VSNL1: variants seen among roughly 807,000 people sequenced by gnomAD.
VSNL1 encodes the protein visinin-like protein 1.
VSNL1 carries 6 observed loss-of-function variants against 20.4 expected under a neutral mutation model. The ratio of observed to expected loss-of-function variants is 0.29; its 90% CI spans 0.16 to 0.58. VSNL1 has a LOEUF of 0.58. Ranked by LOEUF, VSNL1 falls within the 20% of genes least tolerant of loss-of-function variation. The probability of loss-of-function intolerance (pLI) is 0.90; values close to 1 mark genes in which losing one functional copy is unlikely to be tolerated. For synonymous variants in VSNL1, 93 were observed against 86.4 expected, an observed-to-expected ratio of 1.08 and a Z score of -0.42; for missense variants, 100 against 234.5, an observed-to-expected ratio of 0.43 and a Z score of 3.75.
At chr2:17,628,014 T>C (rs969900806) in intron 2 of VSNL1, among the ~76,000 whole-genome samples, 1 of 152,246 alleles carries the variant, frequency 6.6e-6, no homozygotes, top group African/African-American at 2.4e-5. Context: ...TTCACTGTTA[T>C]AATTTTCTCA....
At chr2:17,584,345 C>G (rs918580214) in intron 1 of VSNL1, among the ~76,000 whole-genome samples, 3 of 152,046 alleles carry the variant, frequency 2.0e-5, no homozygotes, top group Admixed American at 1.3e-4. Flanking sequence ...AGTCATGTTT[C>G]CCAGGCACTC....
chr2:17,637,068 C>T (rs1665767445), intron 2 of VSNL1, among the ~76,000 whole-genome samples: 1 of 152,222 alleles, frequency 6.6e-6, no homozygotes, highest in Non-Finnish European at 1.5e-5. Context: ...TGCCTCCACC[C>T]TCTAGAGCTG....
intron 2 of VSNL1, among the ~76,000 whole-genome samples, chr2:17,603,089 A>T (rs911075258): frequency 1.3e-5 from 2 of 152,240 alleles, no homozygotes; most frequent in Non-Finnish European, 2.9e-5. Context: ...ATTTCAAGAC[A>T]CCTTGAAATT....
chr2:17,605,965 C>T (rs1374721411), intron 2 of VSNL1, among the ~76,000 whole-genome samples: 1 of 152,212 alleles, frequency 6.6e-6, no homozygotes, highest in African/African-American at 2.4e-5. Flanking sequence ...GGCATTGTTC[C>T]AAGCACTCTG....
At chr2:17,592,969 TATGTAATGTTACACA>T in intron 2 of VSNL1, among the ~76,000 whole-genome samples, 1 of 152,282 alleles carries the variant, frequency 6.6e-6, no homozygotes, top group South Asian at 2.1e-4. Flanking sequence ...CGTGTATACT[TATGTAATGTTACACA>T]AGTGAAAGAA....
intron 1 of VSNL1, among the ~76,000 whole-genome samples, chr2:17,580,923 A>G (rs1287112632): frequency 6.6e-6 from 1 of 152,198 alleles, no homozygotes; most frequent in Non-Finnish European, 1.5e-5. Flanking sequence ...TATTAAGGAG[A>G]GAGTGAAATG....
At chr2:17,570,417 C>T (rs1170517302) in intron 1 of VSNL1, among the ~76,000 whole-genome samples, 1 of 152,078 alleles carries the variant, frequency 6.6e-6, no homozygotes, top group South Asian at 2.1e-4. Context: ...TATTTAGGCC[C>T]ATTATGAAAT....
intron 2 of VSNL1, among the ~76,000 whole-genome samples, chr2:17,618,412 T>C (rs1665270346): frequency 6.6e-6 from 1 of 152,218 alleles, no homozygotes; most frequent in Non-Finnish European, 1.5e-5. Flanking sequence ...CCTGCTTTGC[T>C]TACACTGTCA....
At chr2:17,602,271 G>C (rs545298849) in intron 2 of VSNL1, among the ~76,000 whole-genome samples, 1 of 152,314 alleles carries the variant, frequency 6.6e-6, no homozygotes, top group East Asian at 1.9e-4. Context: ...GTTTCTCTCT[G>C]AGGGTTGTTA....
chr2:17,565,472 G>C lies in VSNL1; in HGVS notation c.-6+24554G>C, dbSNP rs984803058. Among the ~76,000 whole-genome samples, 3 of 151,870 alleles carry C rather than the reference G, an allele frequency of 2.0e-5. 1 individual carries two copies. The East Asian group carries it at 5.8e-4, about 29-fold the overall frequency. ...CACTTTTATTTTTACTTAATATGTA[G>C]ATCTATACAGTATCATTTTTGATAT... On this transcript the variant is annotated intron_variant, in intron 1 of 3. Coordinates refer to ENST00000295156, the MANE Select transcript of VSNL1 (RefSeq NM_003385.5).
intron 2 of VSNL1, among the ~76,000 whole-genome samples, chr2:17,642,180 A>C (rs1455275196): frequency 6.6e-6 from 1 of 152,208 alleles, no homozygotes; most frequent in Non-Finnish European, 1.5e-5. Flanking sequence ...ATCCGAATAT[A>C]GTAGCACTTA....
intron 1 of VSNL1, among the ~76,000 whole-genome samples, chr2:17,560,469 A>G (rs1221431524): frequency 1.3e-5 from 2 of 152,162 alleles, no homozygotes; most frequent in Non-Finnish European, 2.9e-5. Context: ...TTTCATTGTT[A>G]TAAGATTTTA....
chr2:17,598,139 G>A (rs1468703516), intron 2 of VSNL1, among the ~76,000 whole-genome samples: 2 of 152,152 alleles, frequency 1.3e-5, no homozygotes, highest in Non-Finnish European at 1.5e-5. Flanking sequence ...AATTCTCTGT[G>A]TGGTTTTAGA....
At chr2:17,616,391 C>T (rs1026282009) in intron 2 of VSNL1, among the ~76,000 whole-genome samples, 15 of 152,358 alleles carry the variant, frequency 9.8e-5, no homozygotes, top group South Asian at 2.1e-4. Context: ...GAGCTCCAAT[C>T]GGTGACTTTC....
intron 1 of VSNL1, among the ~76,000 whole-genome samples, chr2:17,563,132 A>G (rs1663857593): frequency 6.6e-6 from 1 of 152,248 alleles, no homozygotes; most frequent in Non-Finnish European, 1.5e-5. Context: ...TTGACAAGAA[A>G]CCACCAGAAA....
chr2:17,627,394 G>C (rs1665536958), intron 2 of VSNL1, among the ~76,000 whole-genome samples: 1 of 152,218 alleles, frequency 6.6e-6, no homozygotes, highest in Non-Finnish European at 1.5e-5. Context: ...CCTAGACAGA[G>C]GCGATTTATC....
At chr2:17,623,493 C>G (rs62133582) in intron 2 of VSNL1, among the ~76,000 whole-genome samples, 8,153 of 151,872 alleles carry the variant, frequency 0.054, 257 homozygotes, top group East Asian at 0.092. Context: ...CACGGCGAAA[C>G]CCCGTCTCTA....
At position 17,549,130 on chromosome 2, in the gene VSNL1, T is replaced by C. The variant is rs146837212; in HGVS notation, c.-6+8212T>C. Among the ~76,000 whole-genome samples the C allele has an allele frequency of 3.0e-3, 459 of 152,362 alleles. 5 individuals are homozygous for C. The highest frequency in any genetic ancestry group is 0.01 in the African/African-American group (425 of 41,586). On this transcript the variant is annotated intron_variant, in intron 1 of 3. Transcript: ENST00000295156. The stretch of plus-strand genomic sequence containing the variant: ...GGAGACGCCTATGCCTCAACTCTTA[T>C]GCAGGATCTGGTGATATCACTTGCA...
chr2:17,625,854 T>TTC (rs1665497643), intron 2 of VSNL1, among the ~76,000 whole-genome samples: 2 of 150,548 alleles, frequency 1.3e-5, no homozygotes, highest in South Asian at 4.3e-4. Flanking sequence ...TTTTTTTTTT[T>TTC]TTTTTTTTTG....
Sources: gnomAD v4.1 joint callset for allele counts (sites outside exome capture counted in the v4.1 genomes callset) on GRCh38, gnomAD v4.1.1 for gene constraint, MANE v1.5 for transcripts, NCBI Gene and HGNC (gene_info 2026-07-23, HGNC 2026-07-21) for gene names.